The following DENND1A variants were observed in gnomAD, a reference collection of about 807,000 sequenced individuals.
DENND1A encodes the protein DENN domain-containing protein 1A.
A neutral mutation model predicts 113.7 loss-of-function variants in DENND1A; 51 were observed. That is an observed-to-expected ratio of 0.45 (90% confidence interval 0.36 to 0.57). The LOEUF is 0.57. Among genes scored for constraint, DENND1A ranks in the 20% least tolerant of loss-of-function variants. The pLI is 0.00. For missense variants in DENND1A, 1,258 were observed against 1,395.9 expected, an observed-to-expected ratio of 0.90 and a Z score of 1.57; for synonymous variants, 565 against 570.8, an observed-to-expected ratio of 0.99 and a Z score of 0.14.
chr9:123,423,226 G>A (rs1376992405), intron 19 of DENND1A, among the ~76,000 whole-genome samples: 8 of 152,124 alleles, frequency 5.3e-5, no homozygotes, highest in Admixed American at 1.3e-4. Context: ...CAGGGTGAAT[G>A]GCTGAAAGTT....
intron 20 of DENND1A, among the ~76,000 whole-genome samples, chr9:123,408,488 A>T (rs1348656579): frequency 6.6e-6 from 1 of 152,152 alleles, no homozygotes; most frequent in Admixed American, 6.5e-5. Context: ...TGTTAAACCC[A>T]TTTTACAGAT....
At chr9:123,424,936 T>C (rs1448701050) in intron 19 of DENND1A, among the ~76,000 whole-genome samples, 1 of 152,202 alleles carries the variant, frequency 6.6e-6, no homozygotes, top group Non-Finnish European at 1.5e-5. Context: ...CATCCCTTCC[T>C]CTGGGCACAG....
At chr9:123,575,210 T>G (rs1298753174) in intron 12 of DENND1A, among the ~76,000 whole-genome samples, 1 of 152,182 alleles carries the variant, frequency 6.6e-6, no homozygotes, top group Non-Finnish European at 1.5e-5. Context: ...CCTCAGATCA[T>G]CAGGCATTAG....
chr9:123,723,740 T>C (rs755037996), intron 5 of DENND1A, among the ~76,000 whole-genome samples: 5 of 152,182 alleles, frequency 3.3e-5, no homozygotes, highest in Non-Finnish European at 7.3e-5. Flanking sequence ...CACGCAGAAC[T>C]GTAAATCCAT....
chr9:123,670,935 T>C (rs879070), intron 7 of DENND1A, among the ~76,000 whole-genome samples: 74,599 of 152,000 alleles, frequency 0.49, 20,766 homozygotes, highest in African/African-American at 0.77. Context: ...AAGGGACATG[T>C]ACAGCAGTGC....
chr9:123,666,603 T>C (rs1461783613), intron 8 of DENND1A, among the ~76,000 whole-genome samples: 1 of 152,144 alleles, frequency 6.6e-6, no homozygotes, highest in Non-Finnish European at 1.5e-5. Flanking sequence ...TGAGAAACAA[T>C]CTAAATGTTC....
intron 12 of DENND1A, among the ~76,000 whole-genome samples, chr9:123,577,187 G>A (rs909996752): frequency 6.6e-6 from 1 of 151,842 alleles, no homozygotes; most frequent in Non-Finnish European, 1.5e-5. Context: ...TTCTTTCTTG[G>A]CTTCATATTG....
chr9:123,692,359 T>C (rs2065240870), intron 5 of DENND1A, among the ~76,000 whole-genome samples: 1 of 152,208 alleles, frequency 6.6e-6, no homozygotes, highest in African/African-American at 2.4e-5. Flanking sequence ...TCCAATTACT[T>C]TTAAGATTGC....
At chr9:123,859,176 T>A (rs955623717) in intron 2 of DENND1A, among the ~76,000 whole-genome samples, 1 of 152,162 alleles carries the variant, frequency 6.6e-6, no homozygotes, top group Non-Finnish European at 1.5e-5. Flanking sequence ...AAGGAAACAA[T>A]AGTATACAGT....
intron 1 of DENND1A, among the ~76,000 whole-genome samples, chr9:123,889,162 A>AC (rs2133738780): frequency 6.6e-6 from 1 of 152,270 alleles, no homozygotes; most frequent in East Asian, 1.9e-4. Context: ...TATGGAAAGA[A>AC]CCCCAAACTA....
At chr9:123,722,157 T>A (rs908610334) in intron 5 of DENND1A, among the ~76,000 whole-genome samples, 1 of 152,226 alleles carries the variant, frequency 6.6e-6, no homozygotes, top group East Asian at 1.9e-4. Flanking sequence ...TGTTATGTTT[T>A]AGCAAAGAGA....
At chr9:123,465,092 A>T (rs2048831357) in intron 13 of DENND1A, among the ~76,000 whole-genome samples, 1 of 151,194 alleles carries the variant, frequency 6.6e-6, no homozygotes. Flanking sequence ...GAGGCAGGAG[A>T]ATCGCTTGAA....
chr9:123,793,761 A>G (rs1032169801), intron 2 of DENND1A, among the ~76,000 whole-genome samples: 5 of 152,208 alleles, frequency 3.3e-5, no homozygotes, highest in African/African-American at 1.2e-4. Context: ...GATCCTAGAA[A>G]TACCAGTTTT....
chr9:123,821,448 T>C (rs1464028844), intron 2 of DENND1A, among the ~76,000 whole-genome samples: 1 of 152,254 alleles, frequency 6.6e-6, no homozygotes, highest in Admixed American at 6.5e-5. Context: ...TCTAGCTTAC[T>C]AGTCTGTCAT....
intron 12 of DENND1A, among the ~76,000 whole-genome samples, chr9:123,565,612 A>G (rs1401896587): frequency 1.3e-5 from 2 of 152,206 alleles, no homozygotes; most frequent in Non-Finnish European, 2.9e-5. Context: ...GTAGGCATCA[A>G]GGCTTTTTTC....
At chr9:123,917,977 G>A (rs1220158902) in intron 1 of DENND1A, among the ~76,000 whole-genome samples, 4 of 151,136 alleles carry the variant, frequency 2.6e-5, no homozygotes, top group Admixed American at 1.3e-4. Flanking sequence ...AGCCGGGCGT[G>A]GTGGCGGGCA....
chr9:123,773,129 G>A (rs73667923), intron 3 of DENND1A, among the ~76,000 whole-genome samples: 1 of 152,142 alleles, frequency 6.6e-6, no homozygotes, highest in African/African-American at 2.4e-5. Context: ...AGAAATAAGA[G>A]CAGAGGGGGC....
At chr9:123,493,895 T>C (rs932830934) in intron 13 of DENND1A, among the ~76,000 whole-genome samples, 43 of 152,216 alleles carry the variant, frequency 2.8e-4, no homozygotes, top group African/African-American at 8.9e-4. Context: ...TGAGAGCAAT[T>C]TGAAAGAAAA....
intron 13 of DENND1A, among the ~76,000 whole-genome samples, chr9:123,547,043 G>A (rs1411082710): frequency 6.6e-6 from 1 of 152,208 alleles, no homozygotes; most frequent in African/African-American, 2.4e-5. Context: ...ATGGTTCCCA[G>A]TTCATTGATC....
Sources: gnomAD v4.1 joint callset for allele counts (sites outside exome capture counted in the v4.1 genomes callset) on GRCh38, gnomAD v4.1.1 for gene constraint, MANE v1.5 for transcripts, NCBI Gene and HGNC (gene_info 2026-07-23, HGNC 2026-07-21) for gene names.